The following MGAT3 variants were observed in gnomAD, a reference collection of about 807,000 sequenced individuals.
MGAT3 encodes the protein beta-1,4-mannosyl-glycoprotein 4-beta-N-acetylglucosaminyltransferase.
MGAT3 carries 9 observed loss-of-function variants against 29.8 expected under a neutral mutation model. That is an observed-to-expected ratio of 0.30 (90% CI 0.18 to 0.53). The LOEUF (loss-of-function observed/expected upper bound fraction) is 0.53. Among genes scored for constraint, MGAT3 ranks in the 20% least tolerant of loss-of-function variants. The pLI is 0.96. For missense variants in MGAT3, 557 were observed against 769.5 expected, an observed-to-expected ratio of 0.72 and a Z score of 3.27; for synonymous variants, 397 against 348.9, an observed-to-expected ratio of 1.14 and a Z score of -1.54.
intron 1 of MGAT3, among the ~76,000 whole-genome samples, chr22:39,465,941 A>G (rs1928632772): frequency 1.3e-5 from 2 of 151,840 alleles, no homozygotes; most frequent in Admixed American, 1.3e-4. Context: ...TAAAAAAAAA[A>G]AAAAAAAGAA....
chr22:39,471,420 C>G (rs1180201274), intron 1 of MGAT3, among the ~76,000 whole-genome samples: 1 of 152,092 alleles, frequency 6.6e-6, no homozygotes, highest in East Asian at 1.9e-4. Context: ...AAGCTGTGTT[C>G]CTTCCTTCCT....
In MGAT3 at chr22:39,488,887, C is replaced by T. The variant is rs1207257006; in HGVS notation, c.1540C>T (p.Arg514Cys). 1.9e-6 allele frequency: 3 copies of T among 1,598,180 alleles called. No individual in the cohort carries two copies. Among genetic ancestry groups the T allele is most frequent in the African/African-American group, 2.7e-5 (2 of 74,588 alleles). ...EPRSTAAGGW[R>C]HRGPEGRPPA... Reference sequence around the variant, plus strand: ...CAGGAGCACGGCGGCGGGCGGGTGGCGCCACAGGGGTCCCGAGGGAAGGCC... The same window carrying T: ...CAGGAGCACGGCGGCGGGCGGGTGGTGCCACAGGGGTCCCGAGGGAAGGCC... The change falls in exon 2 of 2, where the codon CGC becomes TGC. Residue 514 changes from arginine to cysteine, a missense_variant. Coordinates refer to ENST00000341184, the MANE Select transcript of MGAT3 (RefSeq NM_002409.5).
chr22:39,470,032 C>T (rs911399450), intron 1 of MGAT3, among the ~76,000 whole-genome samples: 4 of 152,252 alleles, frequency 2.6e-5, no homozygotes, highest in African/African-American at 7.2e-5. Flanking sequence ...TTGGACTGTT[C>T]CATGTCATCC....
chr22:39,466,162 A>T (rs1873613408), intron 1 of MGAT3, among the ~76,000 whole-genome samples: 1 of 152,096 alleles, frequency 6.6e-6, no homozygotes, highest in South Asian at 2.1e-4. Flanking sequence ...ATGGATGAGA[A>T]ACCTTTAAAC....
chr22:39,485,565 C>T (rs939039283), intron 1 of MGAT3, among the ~76,000 whole-genome samples: 1 of 152,188 alleles, frequency 6.6e-6, no homozygotes. Flanking sequence ...TCGAGGTGGG[C>T]GGATCACCTG....
intron 1 of MGAT3, among the ~76,000 whole-genome samples, chr22:39,471,303 G>C (rs1928803546): frequency 6.6e-6 from 1 of 152,148 alleles, no homozygotes; most frequent in Non-Finnish European, 1.5e-5. Flanking sequence ...CCGAAGTATG[G>C]GGGTCTCGAG....
In MGAT3 at chr22:39,488,017, C is replaced by A. The variant is rs1461964822; in HGVS notation, c.670C>A (p.Arg224Ser). 1 of 1,613,200 alleles carries A rather than the reference C, an allele frequency of 6.2e-7. No individual in the cohort carries two copies. Among genetic ancestry groups the A allele is most frequent in the Non-Finnish European group, 8.5e-7 (1 of 1,179,864 alleles). ...VNHEFDLLDV[R>S]FHELGDVVDA... ...CCACGAGTTCGACCTGCTGGACGTG[C>A]GCTTCCACGAGCTGGGCGACGTGGT... Residue 224 changes from arginine (R) to serine (S), a missense_variant, in exon 2 of 2, where the codon CGC becomes AGC. By Grantham distance (110) the Arg-to-Ser change is moderately radical. Transcript: ENST00000341184.
rs775659436 is a variant in MGAT3, at chr22:39,471,813, A to G, written c.-2+14256A>G. Among the ~76,000 whole-genome samples the G allele has an allele frequency of 1.3e-3, 191 of 152,074 alleles. 2 individuals are homozygous for G. Among genetic ancestry groups the G allele is most frequent in the Non-Finnish European group, 1.7e-3 (118 of 67,998 alleles). Reference sequence around the variant, plus strand: ...TTCACTCATTCTTTCACTGGATGCTATTGCACTGTTCTCTGTGGTCAGCCA... The same window carrying G: ...TTCACTCATTCTTTCACTGGATGCTGTTGCACTGTTCTCTGTGGTCAGCCA... On this transcript the variant is annotated intron_variant, in intron 1 of 1. Coordinates refer to ENST00000341184, the MANE Select transcript of MGAT3 (RefSeq NM_002409.5).
At chr22:39,461,684 T>C (rs1243316898) in intron 1 of MGAT3, among the ~76,000 whole-genome samples, 1 of 152,090 alleles carries the variant, frequency 6.6e-6, no homozygotes, top group Non-Finnish European at 1.5e-5. Context: ...ACCCCCTTCC[T>C]CTGTGACACC....
Position 39,487,778 on chromosome 22 carries a change from C to A in MGAT3, c.431C>A (p.Ser144Ter). ...EEKPEGANGS[S>*]ARRPPRYLLS... ...AAGCCTGAGGGGGCCAACGGCTCCT[C>A]GGCCCGGCGGCCACCCCGGTACCTC... The change falls in exon 2 of 2, where the codon TCG (serine) becomes TAG (stop). Residue 144 changes from serine (S) to a stop codon, truncating the protein, a stop_gained. Transcript: ENST00000341184. LOFTEE classifies it high-confidence loss of function. The surrounding 1 kb of genome is among the most constrained non-coding windows in gnomAD (Gnocchi z 5.7). 6.7e-7 allele frequency: 1 copy of A among 1,491,542 alleles called. No homozygotes were observed. The highest frequency in any genetic ancestry group is 8.9e-7 in the Non-Finnish European group (1 of 1,123,358). 92.4% of individuals were successfully genotyped at this position (1,491,542 alleles called of 1,614,324 possible).
At chr22:39,486,665 T>TA (rs769636847) in intron 1 of MGAT3, among the ~76,000 whole-genome samples, 31 of 152,034 alleles carry the variant, frequency 2.0e-4, no homozygotes, top group Non-Finnish European at 3.5e-4. Flanking sequence ...CACACCTGGC[T>TA]AATTTTTAAA....
At chr22:39,464,237 G>A (rs564454252) in intron 1 of MGAT3, among the ~76,000 whole-genome samples, 31 of 152,282 alleles carry the variant, frequency 2.0e-4, no homozygotes, top group African/African-American at 6.3e-4. Flanking sequence ...CAAATCTCTC[G>A]TGGTGAGTCC....
chr22:39,489,212 G>T lies in MGAT3; in HGVS notation c.*263G>T, dbSNP rs1929383814. On this transcript the variant is annotated 3_prime_UTR_variant, in exon 2 of 2. Transcript: ENST00000341184. ...TGACTGCCAAGACTGCTGTGGCCAG[G>T]AGGTGCCACTGGAGTGTGCGTGGTG... is the stretch of plus-strand genomic sequence containing the variant. 1 of 585,740 alleles carries T rather than the reference G, an allele frequency of 1.7e-6. No homozygotes were observed. The highest frequency in any genetic ancestry group is 3.1e-6 in the Non-Finnish European group (1 of 324,032). 36.3% of individuals were successfully genotyped at this position (585,740 alleles called of 1,614,324 possible). A position where few individuals can be genotyped will look rare whatever the true frequency, so the allele number is the denominator to read the frequency against.
chr22:39,488,044 G>C lies in MGAT3; in HGVS notation c.697G>C (p.Asp233His). The C allele has an allele frequency of 6.2e-7, 1 of 1,613,342 alleles. No homozygotes were observed. The highest frequency in any genetic ancestry group is 8.5e-7 in the Non-Finnish European group (1 of 1,179,846). ...VRFHELGDVVDAFVVCESNFT... is the reference protein window; with the variant it reads ...VRFHELGDVVHAFVVCESNFT... ...CTTCCACGAGCTGGGCGACGTGGTG[G>C]ACGCCTTTGTGGTGTGCGAGTCCAA... Residue 233 changes from aspartate (D) to histidine (H), a missense_variant, in exon 2 of 2, where the codon GAC (aspartate) becomes CAC (histidine). By Grantham distance (81) the Asp-to-His change is moderately conservative. Around this residue, in one of 3 missense-constraint regions of MGAT3, gnomAD observed 243 missense variants for 444.0 expected, o/e 0.55. Transcript: ENST00000341184.
At chr22:39,459,430 C>T (rs1196168053) in intron 1 of MGAT3, among the ~76,000 whole-genome samples, 1 of 151,982 alleles carries the variant, frequency 6.6e-6, no homozygotes, top group Non-Finnish European at 1.5e-5. Flanking sequence ...GCTTTCTGAG[C>T]CTCGGTTTCC....
intron 1 of MGAT3, among the ~76,000 whole-genome samples, chr22:39,468,132 C>T (rs751774945): frequency 6.6e-6 from 1 of 152,266 alleles, no homozygotes. Flanking sequence ...GGCGGGCTCC[C>T]TGGGTGCCCA....
intron 1 of MGAT3, among the ~76,000 whole-genome samples, chr22:39,480,813 T>C (rs1171902705): frequency 6.6e-6 from 1 of 152,220 alleles, no homozygotes; most frequent in Non-Finnish European, 1.5e-5. Context: ...GGCTGGTCCA[T>C]TCTTCCAGTG....
chr22:39,486,170 AGT>A (rs925691061), intron 1 of MGAT3: 12 of 402,790 alleles, frequency 3.0e-5, no homozygotes, highest in African/African-American at 2.1e-4. Context: ...TTTTAGATGG[AGT>A]CTTGCTCTTG....
At position 39,487,736 on chromosome 22, in the gene MGAT3, C is replaced by T. The variant is rs754879346; in HGVS notation, c.389C>T (p.Pro130Leu). The T allele has an allele frequency of 4.5e-6, 7 of 1,542,476 alleles. No individual in the cohort carries two copies. In the African/African-American group the frequency reaches 8.3e-5, roughly 18 times the overall value. Residue 130 changes from proline to leucine, a missense_variant, in exon 2 of 2, where the codon CCG becomes CTG. Physicochemically the swap from Pro to Leu is moderately conservative, Grantham distance 98 (BLOSUM62 -3). Transcript: ENST00000341184. This position sits in a 1 kb window ranked among gnomAD's most constrained non-coding sequence, Gnocchi z 5.7. ...PGTKMLERPP[P>L]GRPEEKPEGA... ...ACCAAGATGCTGGAGAGGCCGCCCC[C>T]GGGACGGCCGGAGGAGAAGCCTGAG...
Sources: gnomAD v4.1 joint callset for allele counts (sites outside exome capture counted in the v4.1 genomes callset) on GRCh38, gnomAD v4.1.1 for gene constraint, gnomAD v4.1.1 regional missense constraint, Gnocchi (gnomAD v3.1) non-coding constraint, MANE v1.5 for transcripts, NCBI Gene and HGNC (gene_info 2026-07-23, HGNC 2026-07-21) for gene names.